The following MBTPS2 variants were observed in gnomAD, a reference collection of about 807,000 sequenced individuals.
MBTPS2 encodes membrane-bound transcription factor site-2 protease.
In MBTPS2, 2 loss-of-function variants were observed where a neutral mutation model predicts 35.4. The observed-to-expected ratio is 0.06, with a 90% confidence interval of 0.02 to 0.18. The LOEUF is 0.18. MBTPS2 is among the 10% of genes least tolerant of loss of function. The pLI is 1.00. For missense variants in MBTPS2, 244 were observed against 386.5 expected, an observed-to-expected ratio of 0.63 and a Z score of 3.09; for synonymous variants, 125 against 140.4, an observed-to-expected ratio of 0.89 and a Z score of 0.77.
At chrX:21,872,177 T>C (rs1362198574) in intron 7 of MBTPS2, 1 of 112,228 alleles carries the variant, frequency 8.9e-6, no homozygotes, top group Non-Finnish European at 1.9e-5. Flanking sequence ...AAGTCCTTTA[T>C]CCTTTTCTTT....
At chrX:21,843,691 G>A (rs2092905264) in intron 2 of MBTPS2, among the ~76,000 whole-genome samples, 1 of 111,815 alleles carries the variant, frequency 8.9e-6, no homozygotes. Context: ...ATCAGAGTTA[G>A]CAGAAAATGC....
chrX:21,849,562 A>G (rs1378997001), intron 3 of MBTPS2, among the ~76,000 whole-genome samples: 1 of 111,694 alleles, frequency 9.0e-6, no homozygotes, highest in Non-Finnish European at 1.9e-5. Flanking sequence ...AATAGCATTT[A>G]CTACCCTCTC....
chrX:21,874,659 G>A (rs1310309489), intron 7 of MBTPS2, among the ~76,000 whole-genome samples: 1 of 111,593 alleles, frequency 9.0e-6, no homozygotes, highest in Non-Finnish European at 1.9e-5. Flanking sequence ...AGTTCTCCCT[G>A]TAGTAACATT....
At position 21,868,577 on chromosome X, in the gene MBTPS2, G is replaced by C. The variant is rs771779703; in HGVS notation, c.781G>C (p.Val261Leu). ...YTGVGVLITE[V>L]AEDSPAIGPR... ...TGGAGTTGGGGTGCTCATCACTGAA[G>C]TTGCTGAGGTAAATAATGGATTACT... The change falls in exon 6 of 11, where the codon GTT (valine) becomes CTT (leucine). Residue 261 changes from valine to leucine, a missense_variant. Transcript: ENST00000379484. 8.6e-7 allele frequency: 1 copy of C among 1,166,958 alleles called. No individual in the cohort carries two copies. The highest frequency in any genetic ancestry group is 1.2e-6 in the Non-Finnish European group (1 of 854,640).
chrX:21,871,082 G>A, intron 7 of MBTPS2: 1 of 122,038 alleles, frequency 8.2e-6, no homozygotes, highest in Non-Finnish European at 1.7e-5. Context: ...TCATTTGTAA[G>A]AATTTTTTTA....
intron 10 of MBTPS2, among the ~76,000 whole-genome samples, chrX:21,881,411 T>C (rs1255882033): frequency 9.0e-6 from 1 of 111,578 alleles, no homozygotes; most frequent in African/African-American, 3.3e-5. Flanking sequence ...TTTCAACTAC[T>C]AAGATAGCAA....
chrX:21,857,094 G>A, intron 5 of MBTPS2: 1 of 1,211,760 alleles, frequency 8.3e-7, no homozygotes, highest in Non-Finnish European at 1.1e-6. Context: ...TGAAGGCCAG[G>A]CTGAAAACCC....
intron 1 of MBTPS2, among the ~76,000 whole-genome samples, chrX:21,840,720 G>A (rs2092901717): frequency 8.9e-6 from 1 of 112,221 alleles, no homozygotes; most frequent in Non-Finnish European, 1.9e-5. Flanking sequence ...ATTTAAAATA[G>A]AAAACCATAG....
Position 21,839,752 on chromosome X carries a change from G to C in MBTPS2, c.18G>C (p.Leu6=), listed in dbSNP as rs781737329. The change falls in exon 1 of 11, where the codon CTG becomes CTC. Residue 6 remains leucine (L), a synonymous_variant. Coordinates refer to ENST00000379484, the MANE Select transcript of MBTPS2 (RefSeq NM_015884.4). Reference sequence around the variant, plus strand: ...CTGCCGCCATGATTCCGGTGTCGCTGGTGGTGGTGGTGGTGGGTGGCTGGA... The same window carrying C: ...CTGCCGCCATGATTCCGGTGTCGCTCGTGGTGGTGGTGGTGGGTGGCTGGA... MIPVS[L]VVVVVGGWTV... 27 of 1,160,662 alleles carry C rather than the reference G, an allele frequency of 2.3e-5. No individual in the cohort carries two copies. The East Asian group carries it at 7.5e-4, about 32-fold the overall frequency.
At chrX:21,854,306 C>T (rs2092917950) in intron 5 of MBTPS2, among the ~76,000 whole-genome samples, 2 of 111,543 alleles carry the variant, frequency 1.8e-5, no homozygotes, top group South Asian at 7.4e-4. Context: ...AGAAAACAGA[C>T]CCTATATCAA....
intron 5 of MBTPS2, among the ~76,000 whole-genome samples, chrX:21,862,967 T>TAA (rs61419207): frequency 1.0e-4 from 6 of 58,366 alleles, no homozygotes; most frequent in Non-Finnish European, 1.9e-4. Context: ...TATATATATA[T>TAA]AAAACCGACT....
chrX:21,867,759 C>T (rs986672084), intron 5 of MBTPS2, among the ~76,000 whole-genome samples: 1 of 109,045 alleles, frequency 9.2e-6, no homozygotes, highest in East Asian at 2.9e-4. Flanking sequence ...CAGCCTCAGC[C>T]TCACAAGCAA....
intron 5 of MBTPS2, among the ~76,000 whole-genome samples, chrX:21,865,717 G>A (rs1465235307): frequency 1.1e-4 from 12 of 112,424 alleles, no homozygotes; most frequent in African/African-American, 3.6e-4. Context: ...GGAATATTGA[G>A]TTGTTATTTT....
At chrX:21,864,124 G>A (rs1220588557) in intron 5 of MBTPS2, among the ~76,000 whole-genome samples, 3 of 112,410 alleles carry the variant, frequency 2.7e-5, no homozygotes, top group Non-Finnish European at 5.6e-5. Context: ...CTACTTTATT[G>A]GTTTTAAATT....
intron 5 of MBTPS2, among the ~76,000 whole-genome samples, chrX:21,867,804 A>G (rs1386371666): frequency 9.1e-6 from 1 of 109,621 alleles, no homozygotes; most frequent in Non-Finnish European, 1.9e-5. Flanking sequence ...ATGCCTGGCT[A>G]ATTTTTTTGT....
intron 1 of MBTPS2, among the ~76,000 whole-genome samples, chrX:21,840,010 C>CGCAGTGCGGG (rs1301044626): frequency 4.5e-5 from 5 of 111,874 alleles, no homozygotes; most frequent in Non-Finnish European, 9.4e-5. Flanking sequence ...CTGCCACTGT[C>CGCAGTGCGGG]GCAGTGCGGG....
intron 5 of MBTPS2, chrX:21,857,632 A>T (rs1215640655): frequency 2.1e-5 from 25 of 1,174,033 alleles, no homozygotes; most frequent in Non-Finnish European, 2.9e-5. Context: ...CAGACTTGGG[A>T]ATTATCTTCC....
intron 5 of MBTPS2, among the ~76,000 whole-genome samples, chrX:21,860,952 TTAAAG>T (rs1279025559): frequency 1.8e-5 from 2 of 111,777 alleles, no homozygotes; most frequent in Non-Finnish European, 3.8e-5. Context: ...ACACAAAAAT[TTAAAG>T]TATCTGTACA....
chrX:21,858,888 CAAAAAAA>C (rs5901684), intron 5 of MBTPS2, among the ~76,000 whole-genome samples: 7 of 61,911 alleles, frequency 1.1e-4, no homozygotes, highest in African/African-American at 2.5e-4. Context: ...GACCTTGTGT[CAAAAAAA>C]AAAAAAAAAA....
Sources: gnomAD v4.1 joint callset for allele counts (sites outside exome capture counted in the v4.1 genomes callset) on GRCh38, gnomAD v4.1.1 for gene constraint, MANE v1.5 for transcripts, NCBI Gene and HGNC (gene_info 2026-07-23, HGNC 2026-07-21) for gene names.